Variants in SPOCK3 observed in about 807,000 individuals in gnomAD.
SPOCK3 encodes the protein testican-3.
Under a neutral mutation model 56.6 loss-of-function variants are expected in SPOCK3, and 30 were observed. The ratio of observed to expected loss-of-function variants is 0.53; its 90% confidence interval spans 0.40 to 0.72. SPOCK3 has a LOEUF of 0.72. Ranked by LOEUF, SPOCK3 falls within the 30% of genes least tolerant of loss-of-function variation. SPOCK3 has a pLI of 0.00. For synonymous variants in SPOCK3, 196 were observed against 183.3 expected, an observed-to-expected ratio of 1.07 and a Z score of -0.56; for missense variants, 527 against 530.0, an observed-to-expected ratio of 0.99 and a Z score of 0.06.
chr4:166,965,424 G>C (rs895840223), intron 4 of SPOCK3, among the ~76,000 whole-genome samples: 1 of 136,820 alleles, frequency 7.3e-6, no homozygotes, highest in African/African-American at 2.7e-5. Context: ...AAATCTCTTT[G>C]TTCCTTCTTC....
intron 2 of SPOCK3, among the ~76,000 whole-genome samples, chr4:167,109,908 T>C (rs1164763479): frequency 6.6e-6 from 1 of 151,968 alleles, no homozygotes; most frequent in South Asian, 2.1e-4. Context: ...CCCACGCCCA[T>C]GTCCTCCTTT....
At chr4:167,019,100 A>G (rs1290523199) in intron 3 of SPOCK3, among the ~76,000 whole-genome samples, 1 of 151,906 alleles carries the variant, frequency 6.6e-6, no homozygotes, top group African/African-American at 2.4e-5. Context: ...GTGAATATCA[A>G]CCCTCCCTCT....
intron 4 of SPOCK3, among the ~76,000 whole-genome samples, chr4:166,954,156 AGTTCCTTTTATAATAG>A (rs1432395683): frequency 1.3e-5 from 2 of 152,166 alleles, no homozygotes; most frequent in African/African-American, 4.8e-5. Flanking sequence ...GAGTTATCTG[AGTTCCTTTTATAATAG>A]GTTGGTGCAA....
intron 4 of SPOCK3, among the ~76,000 whole-genome samples, chr4:166,962,473 G>A (rs1012291086): frequency 1.3e-5 from 2 of 152,064 alleles, no homozygotes; most frequent in African/African-American, 4.8e-5. Context: ...TTTTTTCAGT[G>A]TTTGTATCGT....
chr4:167,133,192 C>T (rs1362054606), intron 2 of SPOCK3, among the ~76,000 whole-genome samples: 1 of 151,948 alleles, frequency 6.6e-6, no homozygotes, highest in Admixed American at 6.6e-5. Flanking sequence ...TTCAGGTGGG[C>T]CCAATGTAAT....
intron 3 of SPOCK3, among the ~76,000 whole-genome samples, chr4:167,029,688 T>A (rs1170697880): frequency 6.6e-6 from 1 of 152,080 alleles, no homozygotes; most frequent in East Asian, 1.9e-4. Flanking sequence ...GTCTTTTCTC[T>A]CTGGCATGTT....
Position 167,015,897 on chromosome 4 carries a change from T to C in SPOCK3, c.236-15434A>G, listed in dbSNP as rs542327099. Among the ~76,000 whole-genome samples the C allele has an allele frequency of 5.3e-5, 8 of 152,270 alleles. No homozygotes were observed. The South Asian group carries it at 1.2e-3, about 24-fold the overall frequency. ...TTACTAAAGAACTGCATCTTTAACA[T>C]TGATCTATCAGATTAATAGTTTGCC... On this transcript the variant is annotated intron_variant, in intron 3 of 10. Coordinates refer to ENST00000357545, the MANE Select transcript of SPOCK3 (RefSeq NM_001040159.2).
intron 2 of SPOCK3, among the ~76,000 whole-genome samples, chr4:167,072,339 T>A (rs1756762476): frequency 6.6e-6 from 1 of 152,034 alleles, no homozygotes; most frequent in Non-Finnish European, 1.5e-5. Flanking sequence ...CACCCCTTTT[T>A]TTTACATGTT....
intron 8 of SPOCK3, among the ~76,000 whole-genome samples, chr4:166,745,726 G>T (rs1735522709): frequency 6.6e-6 from 1 of 152,206 alleles, no homozygotes; most frequent in African/African-American, 2.4e-5. Flanking sequence ...CCATCAGTGT[G>T]CTGTATTCAG....
chr4:166,937,300 C>A (rs1228013629), intron 4 of SPOCK3, among the ~76,000 whole-genome samples: 1 of 151,104 alleles, frequency 6.6e-6, no homozygotes, highest in Non-Finnish European at 1.5e-5. Context: ...CCAGGATTAC[C>A]ATGGAGAATC....
intron 3 of SPOCK3, among the ~76,000 whole-genome samples, chr4:167,048,331 G>GA (rs568408702): frequency 2.0e-5 from 3 of 150,492 alleles, no homozygotes; most frequent in Non-Finnish European, 1.5e-5. Flanking sequence ...AAATGCAAAA[G>GA]AAAAAAAAGT....
At chr4:167,061,227 AT>A (rs1755574579) in intron 3 of SPOCK3, among the ~76,000 whole-genome samples, 1 of 151,872 alleles carries the variant, frequency 6.6e-6, no homozygotes, top group Non-Finnish European at 1.5e-5. Context: ...GCTAACACCC[AT>A]TTTACAAGGT....
At chr4:167,082,619 T>A (rs1174821043) in intron 2 of SPOCK3, among the ~76,000 whole-genome samples, 3 of 151,962 alleles carry the variant, frequency 2.0e-5, no homozygotes, top group African/African-American at 4.8e-5. Flanking sequence ...GACTAAGATT[T>A]TCTTATTCTC....
chr4:167,156,033 A>G (rs1383989001), intron 2 of SPOCK3, among the ~76,000 whole-genome samples: 1 of 152,224 alleles, frequency 6.6e-6, no homozygotes, highest in Non-Finnish European at 1.5e-5. Flanking sequence ...TCTAGCAGCC[A>G]CATAGAAAAG....
intron 4 of SPOCK3, among the ~76,000 whole-genome samples, chr4:166,966,778 A>G (rs1298358953): frequency 1.3e-5 from 2 of 152,202 alleles, no homozygotes; most frequent in African/African-American, 4.8e-5. Flanking sequence ...TATTATTTAA[A>G]AAATTTGACC....
intron 2 of SPOCK3, among the ~76,000 whole-genome samples, chr4:167,133,227 G>T (rs1762839345): frequency 6.6e-6 from 1 of 152,140 alleles, no homozygotes; most frequent in South Asian, 2.1e-4. Flanking sequence ...TAGGAGGAAG[G>T]CTGGAGGGTC....
chr4:166,925,665 C>T (rs1739011176), intron 4 of SPOCK3, among the ~76,000 whole-genome samples: 1 of 147,676 alleles, frequency 6.8e-6, no homozygotes, highest in South Asian at 2.2e-4. Context: ...AATTCAACCA[C>T]TCCAAGGTAA....
intron 7 of SPOCK3, among the ~76,000 whole-genome samples, chr4:166,784,796 G>C (rs1386246565): frequency 2.0e-5 from 3 of 152,050 alleles, no homozygotes; most frequent in African/African-American, 7.2e-5. Context: ...TTCTCCGACT[G>C]AGGAGAACAT....
chr4:167,157,694 A>G (rs1473354151), intron 2 of SPOCK3, among the ~76,000 whole-genome samples: 1 of 151,740 alleles, frequency 6.6e-6, no homozygotes, highest in Non-Finnish European at 1.5e-5. Context: ...CATATTACCA[A>G]TCCAGAGTTC....
Sources: gnomAD v4.1 joint callset for allele counts (sites outside exome capture counted in the v4.1 genomes callset) on GRCh38, gnomAD v4.1.1 for gene constraint, MANE v1.5 for transcripts, NCBI Gene and HGNC (gene_info 2026-07-23, HGNC 2026-07-21) for gene names.